Variants in SLC38A10 observed in about 807,000 individuals in gnomAD.
SLC38A10 encodes the protein solute carrier family 38 member 10.
Under a neutral mutation model 81.0 loss-of-function variants are expected in SLC38A10, and 53 were observed. That is an observed-to-expected ratio of 0.65 (90% CI 0.53 to 0.82). The LOEUF is 0.82. SLC38A10 is among the 40% of genes least tolerant of loss of function. SLC38A10 has a pLI of 0.00. For missense variants in SLC38A10, 1,471 were observed against 1,545.0 expected (o/e 0.95, Z 0.80); for synonymous variants, 665 against 655.3 (o/e 1.01, Z -0.23).
intron 10 of SLC38A10, chr17:81,264,896 C>G (rs2063057000): frequency 6.6e-6 from 1 of 152,216 alleles, no homozygotes; most frequent in African/African-American, 2.4e-5. Flanking sequence ...TCAGGCCTTT[C>G]AGGGACTGCT....
In SLC38A10 at chr17:81,283,610, CTTTTTTCT is replaced by C; in HGVS notation, c.264-116_264-109del. The C allele has an allele frequency of 1.5e-6, 1 of 660,618 alleles. No homozygotes were observed. Among genetic ancestry groups the C allele is most frequent in the Non-Finnish European group, 2.5e-6 (1 of 401,674 alleles). The allele number at this position is 660,618 out of a possible 1,614,324, so 40.9% of individuals were successfully genotyped here. On this transcript the variant is annotated intron_variant, in intron 3 of 15. Transcript: ENST00000374759. This position sits in a 1 kb window ranked among gnomAD's most constrained non-coding sequence, Gnocchi z 4.7. ...CTGGGCTGAATGACAGATGTGATTT[CTTTTTTCT>C]TTTTTTTTTTTTTGAAACAGAGTCT...
chr17:81,282,323 T>C lies in SLC38A10; in HGVS notation c.367A>G (p.Thr123Ala). The C allele has an allele frequency of 1.2e-6, 2 of 1,611,576 alleles. No individual in the cohort carries two copies. The highest frequency in any genetic ancestry group is 1.7e-6 in the Non-Finnish European group (2 of 1,179,212). Residue 123 changes from threonine (T) to alanine (A), a missense_variant, in exon 5 of 16, where the codon ACC (threonine) becomes GCC (alanine). Thr to Ala is a moderately conservative substitution (Grantham distance 58, BLOSUM62 0). Transcript: ENST00000374759. ...GCGAACAGCAGGAACATGCGGAAGG[T>C]GCCGCCCACCTGCGGGGAGCCGGCA... ...ARLFGFQVGG[T>A]FRMFLLFAVS... is the part of the protein sequence containing the mutation.
Position 81,289,151 on chromosome 17 carries a change from T to G in SLC38A10, c.217+540A>C, listed in dbSNP as rs1567949795. Among the ~76,000 whole-genome samples, 2 of 152,018 alleles carry G rather than the reference T, an allele frequency of 1.3e-5. No individual in the cohort carries two copies. The highest frequency in any genetic ancestry group is 1.9e-4 in the East Asian group (1 of 5,176). On this transcript the variant is annotated intron_variant, in intron 2 of 15. Transcript: ENST00000374759. The surrounding 1 kb of genome is among the most constrained non-coding windows in gnomAD (Gnocchi z 5.9). ...CACCTATCGGGTTCAAGAGATTCTCTGGCCTCAGCCTCCTGAGTAGCTAGG... is the reference window on the plus strand; with the variant it reads ...CACCTATCGGGTTCAAGAGATTCTCGGGCCTCAGCCTCCTGAGTAGCTAGG...
intron 1 of SLC38A10, among the ~76,000 whole-genome samples, chr17:81,290,197 C>T (rs2063299477): frequency 1.3e-5 from 2 of 152,298 alleles, no homozygotes; most frequent in South Asian, 4.1e-4. Flanking sequence ...ATGCCATTTT[C>T]CCCGTTCTCA....
Position 81,270,930 on chromosome 17 carries a change from T to G in SLC38A10, c.1119A>C (p.Ala373=). Residue 373 remains alanine (A), a synonymous_variant, in exon 10 of 16, where the codon GCA becomes GCC. Transcript: ENST00000374759. This position sits in a 1 kb window ranked among gnomAD's most constrained non-coding sequence, Gnocchi z 4.0. ...ALIYKKIHKN[A]LSSQVVLWVG... ...GAGCAGCACGCACCTGGGAGGAAAG[T>G]GCGTTCTTGTGGATTTTCTTGTAGA... 1 of 1,613,760 alleles carries G rather than the reference T, an allele frequency of 6.2e-7. No individual in the cohort carries two copies. The highest frequency in any genetic ancestry group is 8.5e-7 in the Non-Finnish European group (1 of 1,179,954).
chr17:81,256,841 G>A (rs1215850992), intron 11 of SLC38A10, among the ~76,000 whole-genome samples: 1 of 152,236 alleles, frequency 6.6e-6, no homozygotes, highest in African/African-American at 2.4e-5. Context: ...CGAATGTGAG[G>A]GGGAATCCCA....
chr17:81,286,669 C>T lies in SLC38A10; in HGVS notation c.218-1774G>A, dbSNP rs77503264. On this transcript the variant is annotated intron_variant, in intron 2 of 15. Transcript: ENST00000374759. This position sits in a 1 kb window ranked among gnomAD's most constrained non-coding sequence, Gnocchi z 6.0. ...CTGCCAGGCTGGAGGTATCTGTGAGCGGCGAGCTCTGAGGGCGCGGCCTCC... is the reference window on the plus strand; with the variant it reads ...CTGCCAGGCTGGAGGTATCTGTGAGTGGCGAGCTCTGAGGGCGCGGCCTCC... Among the ~76,000 whole-genome samples the T allele has an allele frequency of 7.0e-3, 1,070 of 152,264 alleles. 12 individuals are homozygous for T. Among genetic ancestry groups the T allele is most frequent in the African/African-American group, 0.024 (1,014 of 41,552 alleles).
At position 81,280,649 on chromosome 17, in the gene SLC38A10, G is replaced by A. The variant is rs142850847; in HGVS notation, c.586C>T (p.Arg196Cys). 2.5e-4 allele frequency: 404 copies of A among 1,612,402 alleles called. No homozygotes were observed. The highest frequency in any genetic ancestry group is 2.6e-4 in the Non-Finnish European group (312 of 1,179,706). The change falls in exon 6 of 16, where the codon CGC (arginine) becomes TGC (cysteine). Residue 196 changes from arginine to cysteine, a missense_variant. Arg to Cys is a radical substitution (Grantham distance 180). Around this residue, in one of 2 missense-constraint regions of SLC38A10, gnomAD observed 720 missense variants for 827.7 expected, o/e 0.87. Coordinates refer to ENST00000374759, the MANE Select transcript of SLC38A10 (RefSeq NM_001037984.3). ...GACATGCCGAAGATGGGGATGCAGCGGAAGACGCCCTCCCAGCGGACGTAG... is the reference window on the plus strand; with the variant it reads ...GACATGCCGAAGATGGGGATGCAGCAGAAGACGCCCTCCCAGCGGACGTAG... ...VSYVRWEGVF[R>C]CIPIFGMSFA...
Position 81,245,811 on chromosome 17 carries a change from G to A in SLC38A10, c.3105C>T (p.Ala1035=). 6.2e-7 allele frequency: 1 copy of A among 1,608,680 alleles called. No individual in the cohort carries two copies. The highest frequency in any genetic ancestry group is 8.5e-7 in the Non-Finnish European group (1 of 1,176,892). ...AVPGGQRPDN[A]KPNRDLKLQA... is the part of the protein sequence containing the mutation. ...GCAGTTTCAGGTCCCGGTTGGGCTT[G>A]GCATTGTCCGGCCTCTGGCCCCCCG... is the stretch of plus-strand genomic sequence containing the variant. Residue 1035 remains alanine, a synonymous_variant, in exon 16 of 16, where the codon GCC becomes GCT. Coordinates refer to ENST00000374759, the MANE Select transcript of SLC38A10 (RefSeq NM_001037984.3).
At position 81,260,282 on chromosome 17, in the gene SLC38A10, C is replaced by G. The variant is rs1335869362; in HGVS notation, c.1244G>C (p.Gly415Ala). 10 of 1,606,012 alleles carry G rather than the reference C, an allele frequency of 6.2e-6. No homozygotes were observed. The highest frequency in any genetic ancestry group is 1.6e-4 in the Middle Eastern group (1 of 6,070). Reference sequence around the variant, plus strand: ...CACCTTCATCAAACCCTCGGCCTCTCCAAGCCGGCCGCCAGGGGCTTCCTC... The same window carrying G: ...CACCTTCATCAAACCCTCGGCCTCTGCAAGCCGGCCGCCAGGGGCTTCCTC... ...LAEEAPGGRL[G>A]EAEGLMKVEA... Residue 415 changes from glycine (G) to alanine (A), a missense_variant, in exon 11 of 16, where the codon GGA becomes GCA. By Grantham distance (60) the Gly-to-Ala change is moderately conservative. This residue lies in a region of SLC38A10 where 720 missense variants were observed against 827.7 expected (regional missense o/e 0.87). Coordinates refer to ENST00000374759, the MANE Select transcript of SLC38A10 (RefSeq NM_001037984.3).
chr17:81,286,909 C>T lies in SLC38A10; in HGVS notation c.218-2014G>A, dbSNP rs573408361. Among the ~76,000 whole-genome samples, 4 of 152,248 alleles carry T rather than the reference C, an allele frequency of 2.6e-5. No individual in the cohort carries two copies. The highest frequency in any genetic ancestry group is 9.6e-5 in the African/African-American group (4 of 41,564). On this transcript the variant is annotated intron_variant, in intron 2 of 15. Coordinates refer to ENST00000374759, the MANE Select transcript of SLC38A10 (RefSeq NM_001037984.3). This position sits in a 1 kb window ranked among gnomAD's most constrained non-coding sequence, Gnocchi z 6.0. Reference sequence around the variant, plus strand: ...GACCACGCATGCCAGGGTTCAGGCACAACTCTCAACAGGGCAGGGTCTGGG... The same window carrying T: ...GACCACGCATGCCAGGGTTCAGGCATAACTCTCAACAGGGCAGGGTCTGGG...
chr17:81,276,161 A>C lies in SLC38A10; in HGVS notation c.730-10T>G. 1 of 1,604,502 alleles carries C rather than the reference A, an allele frequency of 6.2e-7. No homozygotes were observed. The highest frequency in any genetic ancestry group is 8.5e-7 in the Non-Finnish European group (1 of 1,173,932). ...AGCCGAAAAACCCCACCTGTTGGAG[A>C]ATAAGAAATGGCAACGTGGCAGACA... On this transcript the variant is annotated splice_polypyrimidine_tract_variant and intron_variant, in intron 7 of 15. Coordinates refer to ENST00000374759, the MANE Select transcript of SLC38A10 (RefSeq NM_001037984.3). This position sits in a 1 kb window ranked among gnomAD's most constrained non-coding sequence, Gnocchi z 4.7.
At chr17:81,248,848 G>A (rs1310557289) in intron 14 of SLC38A10, among the ~76,000 whole-genome samples, 4 of 152,196 alleles carry the variant, frequency 2.6e-5, no homozygotes, top group East Asian at 1.9e-4. Flanking sequence ...CCATGGGGCC[G>A]GCCCTCAAGC....
chr17:81,258,472 G>C (rs574487806), intron 11 of SLC38A10, among the ~76,000 whole-genome samples: 72 of 152,328 alleles, frequency 4.7e-4, no homozygotes, highest in African/African-American at 1.7e-3. Context: ...CAAGCCTCAT[G>C]ACGGGATACA....
At chr17:81,269,550 A>C (rs1307540865) in intron 10 of SLC38A10, among the ~76,000 whole-genome samples, 1 of 152,182 alleles carries the variant, frequency 6.6e-6, no homozygotes, top group Non-Finnish European at 1.5e-5. Flanking sequence ...ACTTGAAGAC[A>C]AGGCAAGATC....
Position 81,286,487 on chromosome 17 carries a change from C to T in SLC38A10, c.218-1592G>A, listed in dbSNP as rs1172876257. On this transcript the variant is annotated intron_variant, in intron 2 of 15. Coordinates refer to ENST00000374759, the MANE Select transcript of SLC38A10 (RefSeq NM_001037984.3). This position sits in a 1 kb window ranked among gnomAD's most constrained non-coding sequence, Gnocchi z 6.0. ...TGTCAATCCCTCGGCAACTTCTCCT[C>T]CCCAGGTTCAAACACCAGCCCCAGT... is the stretch of plus-strand genomic sequence containing the variant. Among the ~76,000 whole-genome samples, 1 of 152,212 alleles carries T rather than the reference C, an allele frequency of 6.6e-6. No individual in the cohort carries two copies. The highest frequency in any genetic ancestry group is 1.5e-5 in the Non-Finnish European group (1 of 68,048).
At chr17:81,249,993 G>A (rs1255194745) in intron 14 of SLC38A10, 7 of 1,236,880 alleles carry the variant, frequency 5.7e-6, no homozygotes, top group Admixed American at 2.6e-5. Flanking sequence ...GGGCAGGTGT[G>A]CCACCGAGGG....
Position 81,257,693 on chromosome 17 carries a change from C to T in SLC38A10, c.1288+2545G>A, listed in dbSNP as rs556578724. Among the ~76,000 whole-genome samples the T allele has an allele frequency of 2.0e-5, 3 of 152,394 alleles. No homozygotes were observed. In the East Asian group the frequency reaches 5.8e-4, roughly 29 times the overall value. On this transcript the variant is annotated intron_variant, in intron 11 of 15. Coordinates refer to ENST00000374759, the MANE Select transcript of SLC38A10 (RefSeq NM_001037984.3). ...CCCCGCACCAACACACACGACCCGT[C>T]GACACCCAGCAGACCCTCCTTCTGT...
intron 14 of SLC38A10, chr17:81,250,864 G>A (rs1022844851): frequency 5.7e-6 from 6 of 1,048,806 alleles, no homozygotes; most frequent in South Asian, 4.1e-5. Flanking sequence ...CCCAAGGGGC[G>A]AGAAGTTTGG....
Sources: allele counts gnomAD v4.1 joint callset (sites outside exome capture counted in the v4.1 genomes callset), GRCh38; gene constraint gnomAD v4.1.1; regional missense constraint gnomAD v4.1.1; non-coding constraint Gnocchi (gnomAD v3.1); transcripts MANE v1.5; gene names NCBI Gene and HGNC (gene_info 2026-07-23, HGNC 2026-07-21).